Variants in ZBBX observed in about 807,000 individuals in gnomAD.
ZBBX encodes zinc finger B-box domain-containing protein 1.
Under a neutral mutation model 108.5 loss-of-function variants are expected in ZBBX, and 101 were observed. That is an observed-to-expected ratio of 0.93 (90% confidence interval 0.79 to 1.10). ZBBX has a LOEUF of 1.10. ZBBX is among the 50% of genes least tolerant of loss of function. The pLI, the probability that ZBBX is intolerant of heterozygous loss-of-function variation, is 0.00. For missense variants in ZBBX, 1,009 were observed against 941.4 expected, an observed-to-expected ratio of 1.07 and a Z score of -0.94; for synonymous variants, 356 against 323.4, an observed-to-expected ratio of 1.10 and a Z score of -1.08.
In ZBBX at chr3:167,334,061, T is replaced by C. The variant is rs570327932; in HGVS notation, c.529-76A>G. 78 of 984,926 alleles carry C rather than the reference T, an allele frequency of 7.9e-5. No homozygotes were observed. In the South Asian group the frequency reaches 1.9e-3, roughly 24 times the overall value. 61.0% of individuals were successfully genotyped at this position (984,926 alleles called of 1,614,324 possible). ...TAATTTATATACATTAACTCATATTTGTGTTATTCTATGACTCCCAGAATT... is the reference window on the plus strand; with the variant it reads ...TAATTTATATACATTAACTCATATTCGTGTTATTCTATGACTCCCAGAATT... On this transcript the variant is annotated intron_variant, in intron 9 of 21. Coordinates refer to ENST00000675490, the MANE Select transcript of ZBBX (RefSeq NM_001199201.2).
chr3:167,253,511 A>G (rs561290782), intron 20 of ZBBX, among the ~76,000 whole-genome samples: 2 of 152,280 alleles, frequency 1.3e-5, no homozygotes, highest in Admixed American at 1.3e-4. Context: ...AAAATCCAGA[A>G]AAAGACAAGA....
chr3:167,188,492 G>C, the ZBBX span, among the ~76,000 whole-genome samples: 9 of 151,866 alleles, frequency 5.9e-5, no homozygotes, highest in South Asian at 1.9e-3. Flanking sequence ...AAATCTTAAA[G>C]GATAAATAAA....
At chr3:167,190,377 CTTT>C in the ZBBX span, among the ~76,000 whole-genome samples, 1,144 of 113,632 alleles carry the variant, frequency 0.01, 2 homozygotes, top group Middle Eastern at 0.028. Context: ...AACTTACCTA[CTTT>C]TTTTTTTTTT....
In ZBBX at chr3:167,372,939, T is replaced by C. The variant is rs542817232; in HGVS notation, c.-38A>G. 1.4e-5 allele frequency: 20 copies of C among 1,477,954 alleles called. 1 individual carries two copies. The South Asian group carries it at 2.4e-4, about 18-fold the overall frequency. 91.6% of individuals were successfully genotyped at this position (1,477,954 alleles called of 1,614,324 possible). A position where few individuals can be genotyped will look rare whatever the true frequency, so the allele number is the denominator to read the frequency against. ...AATATTGTCTAAAAGTTATTCTGAT[T>C]TGTAAACACTTCTGTAAAAGTAACA... On this transcript the variant is annotated 5_prime_UTR_variant, in exon 4 of 22. Transcript: ENST00000675490.
At chr3:167,214,498 T>C in the ZBBX span, among the ~76,000 whole-genome samples, 4 of 152,266 alleles carry the variant, frequency 2.6e-5, no homozygotes, top group East Asian at 7.7e-4. Flanking sequence ...AGCAAGTTCT[T>C]AGAGACCTAC....
intron 20 of ZBBX, among the ~76,000 whole-genome samples, chr3:167,277,663 C>A (rs1335672353): frequency 6.6e-6 from 1 of 152,062 alleles, no homozygotes; most frequent in African/African-American, 2.4e-5. Context: ...GACTTTAACA[C>A]CCCACTGTCA....
At position 167,290,459 on chromosome 3, in the gene ZBBX, G is replaced by T. The variant is rs998875262; in HGVS notation, c.1880-1476C>A. ...CAAACACCAGCAGACATGCAGCAGAGGAGCTGGACTGTTAGAAGGAAAACT... is the reference window on the plus strand; with the variant it reads ...CAAACACCAGCAGACATGCAGCAGATGAGCTGGACTGTTAGAAGGAAAACT... On this transcript the variant is annotated intron_variant, in intron 18 of 21. Transcript: ENST00000675490. Among the ~76,000 whole-genome samples the T allele has an allele frequency of 5.3e-5, 8 of 152,200 alleles. No homozygotes were observed. The East Asian group carries it at 1.5e-3, about 29-fold the overall frequency.
rs563382360 is a variant in ZBBX at position 167,388,789 on chromosome 3, G to A, written c.-445-8384C>T. Among the ~76,000 whole-genome samples, 32 of 152,010 alleles carry A rather than the reference G, an allele frequency of 2.1e-4. 1 individual carries two copies. The South Asian group carries it at 5.8e-3, about 28-fold the overall frequency. ...ACCCAGCTCCTGCCATCAAGCTAGC[G>A]TTCAAGCCAATGAGACTCAAAGAAG... On this transcript the variant is annotated intron_variant, in intron 1 of 21. Transcript: ENST00000455345.
chr3:167,217,031 C>A, the ZBBX span, among the ~76,000 whole-genome samples: 9 of 152,088 alleles, frequency 5.9e-5, no homozygotes, highest in African/African-American at 2.2e-4. Flanking sequence ...AAAAGACAAC[C>A]TTGGTAACAC....
chr3:167,245,000 A>C (rs1460133869), intron 20 of ZBBX, among the ~76,000 whole-genome samples: 3 of 152,254 alleles, frequency 2.0e-5, no homozygotes, highest in African/African-American at 7.2e-5. Flanking sequence ...AACACTAAAG[A>C]AAGAAATATA....
the ZBBX span, among the ~76,000 whole-genome samples, chr3:167,192,241 T>A: frequency 1.3e-5 from 2 of 152,160 alleles, no homozygotes; most frequent in Non-Finnish European, 2.9e-5. Context: ...CATTGTTTAT[T>A]TGTTTTCACA....
intron 1 of ZBBX, among the ~76,000 whole-genome samples, chr3:167,402,071 T>C (rs1291718563): frequency 1.3e-5 from 2 of 152,094 alleles, no homozygotes; most frequent in Admixed American, 6.6e-5. Flanking sequence ...ATCTGAGCTA[T>C]TGGCAACAGT....
intron 20 of ZBBX, among the ~76,000 whole-genome samples, chr3:167,279,639 G>C (rs1728387840): frequency 2.0e-5 from 3 of 152,010 alleles, no homozygotes; most frequent in Admixed American, 1.3e-4. Context: ...TCATGGGTAG[G>C]AAGAATCAAT....
At chr3:167,228,993 A>C in the ZBBX span, among the ~76,000 whole-genome samples, 3 of 151,814 alleles carry the variant, frequency 2.0e-5, no homozygotes, top group Admixed American at 1.3e-4. Context: ...CTCCTATAGA[A>C]CAGAATGGTA....
At chr3:167,300,113 T>C (rs1432467239) in intron 17 of ZBBX, among the ~76,000 whole-genome samples, 1 of 152,214 alleles carries the variant, frequency 6.6e-6, no homozygotes, top group Non-Finnish European at 1.5e-5. Context: ...TGAAACTATT[T>C]ACACTTTTTT....
intron 12 of ZBBX, among the ~76,000 whole-genome samples, chr3:167,320,972 C>A (rs531056892): frequency 6.6e-6 from 1 of 151,866 alleles, no homozygotes. Flanking sequence ...TGGACTGGAT[C>A]CTGGAATGGG....
chr3:167,225,993 A>G, the ZBBX span, among the ~76,000 whole-genome samples: 86 of 151,454 alleles, frequency 5.7e-4, no homozygotes, highest in Non-Finnish European at 8.3e-4. Context: ...AGCTTGTCAG[A>G]GTACAGGCTG....
At chr3:167,317,661 G>T in intron 12 of ZBBX, 64 bp from the exon 13 acceptor site, 1 of 1,062,068 alleles carries the variant, frequency 9.4e-7, no homozygotes, top group Non-Finnish European at 1.4e-6. Flanking sequence ...TCCCAGACAA[G>T]CTCTTGATTT....
intron 5 of ZBBX, 61 bp downstream of exon 5, chr3:167,368,400 T>C: frequency 8.2e-7 from 1 of 1,222,118 alleles, no homozygotes; most frequent in South Asian, 1.3e-5. Context: ...CAACAGTATA[T>C]AAAATAGTTC....
Sources: gnomAD v4.1 joint callset for allele counts (sites outside exome capture counted in the v4.1 genomes callset) on GRCh38, gnomAD v4.1.1 for gene constraint, MANE v1.5 for transcripts, NCBI Gene and HGNC (gene_info 2026-07-23, HGNC 2026-07-21) for gene names.